Variants in TMEM181 observed in about 807,000 individuals in gnomAD.
TMEM181 encodes the protein transmembrane protein 181.
TMEM181 carries 39 observed loss-of-function variants against 71.9 expected under a neutral mutation model. The observed-to-expected ratio is 0.54, with a 90% confidence interval of 0.42 to 0.71. TMEM181 has a LOEUF of 0.71. Ranked by LOEUF, TMEM181 falls within the 30% of genes least tolerant of loss-of-function variation. TMEM181 has a pLI of 0.00. For synonymous variants in TMEM181, 245 were observed against 228.8 expected, an observed-to-expected ratio of 1.07 and a Z score of -0.64; for missense variants, 595 against 583.0, an observed-to-expected ratio of 1.02 and a Z score of -0.21.
At chr6:158,599,957 G>A (rs1784580535) in intron 6 of TMEM181, among the ~76,000 whole-genome samples, 2 of 152,176 alleles carry the variant, frequency 1.3e-5, no homozygotes, top group Non-Finnish European at 2.9e-5. Flanking sequence ...GCTTTTCCCG[G>A]AACCAGGAGG....
upstream of TMEM181, among the ~76,000 whole-genome samples, chr6:158,559,884 G>A (rs1209642911): frequency 1.3e-5 from 2 of 152,240 alleles, no homozygotes; most frequent in East Asian, 1.9e-4. Context: ...GGTAAACTAA[G>A]TCATTCATTC....
intron 2 of TMEM181, among the ~76,000 whole-genome samples, chr6:158,577,302 TC>T (rs1438845922): frequency 6.6e-6 from 1 of 151,874 alleles, no homozygotes; most frequent in Non-Finnish European, 1.5e-5. Context: ...AAAAAGAAAT[TC>T]TGGAGATGAA....
chr6:158,560,758 G>A (rs1034207921), intron 1 of TMEM181, among the ~76,000 whole-genome samples: 1 of 152,220 alleles, frequency 6.6e-6, no homozygotes, highest in Non-Finnish European at 1.5e-5. Context: ...AGCCCCTTTG[G>A]ACTCGGGGTG....
In TMEM181 at chr6:158,568,577, CTA is replaced by C. The variant is rs376727702; in HGVS notation, c.9-4841_9-4840del. Among the ~76,000 whole-genome samples the C allele has an allele frequency of 3.3e-5, 5 of 152,320 alleles. No homozygotes were observed. The East Asian group carries it at 9.7e-4, about 29-fold the overall frequency. On this transcript the variant is annotated intron_variant, in intron 1 of 16. Coordinates refer to ENST00000684151, the MANE Select transcript of TMEM181 (RefSeq NM_001376852.1). Reference sequence around the variant, plus strand: ...TATTTTCTGCATCACAGACTTGCCTCTATGTGTTTAGAAATATCCTCCCTTGG... The same window carrying C: ...TATTTTCTGCATCACAGACTTGCCTCTGTGTTTAGAAATATCCTCCCTTGG...
intron 7 of TMEM181, among the ~76,000 whole-genome samples, chr6:158,606,413 A>C (rs1285549599): frequency 6.6e-6 from 1 of 152,240 alleles, no homozygotes; most frequent in Non-Finnish European, 1.5e-5. Context: ...AGCCAGAAAC[A>C]CTTGCTTCTT....
chr6:158,541,898 CTTTTTTTTT>C (rs10583860), intron 1 of TMEM181, among the ~76,000 whole-genome samples: 17 of 66,624 alleles, frequency 2.6e-4, no homozygotes, highest in Middle Eastern at 0.027. Flanking sequence ...GGGATTTTAT[CTTTTTTTTT>C]TTTTTTTTTT....
intron 11 of TMEM181, among the ~76,000 whole-genome samples, chr6:158,623,906 G>T (rs887530102): frequency 1.3e-5 from 2 of 152,046 alleles, no homozygotes; most frequent in Non-Finnish European, 2.9e-5. Context: ...GACGATAGGC[G>T]TGCGCCACCA....
At chr6:158,613,502 G>C (rs1223668243) in intron 10 of TMEM181, among the ~76,000 whole-genome samples, 1 of 149,426 alleles carries the variant, frequency 6.7e-6, no homozygotes, top group African/African-American at 2.5e-5. Flanking sequence ...CTTTCCTCTT[G>C]AGGTTTCAAG....
At chr6:158,569,671 G>A (rs570699835) in intron 1 of TMEM181, among the ~76,000 whole-genome samples, 104 of 151,846 alleles carry the variant, frequency 6.8e-4, no homozygotes, top group African/African-American at 1.9e-3. Context: ...CATGGTCTAG[G>A]CTCACTGCAA....
intron 13 of TMEM181, chr6:158,626,782 ACCTCACTCATG>A: frequency 2.2e-6 from 1 of 456,376 alleles, no homozygotes. Context: ...GCTCACTCAC[ACCTCACTCATG>A]CCTTCACTCA....
chr6:158,583,439 A>C (rs1783588152), intron 3 of TMEM181, among the ~76,000 whole-genome samples: 1 of 152,160 alleles, frequency 6.6e-6, no homozygotes. Context: ...TGAGAGACAG[A>C]CGTGAATTGC....
At chr6:158,560,937 CT>C (rs930043220) in intron 1 of TMEM181, among the ~76,000 whole-genome samples, 2 of 152,134 alleles carry the variant, frequency 1.3e-5, no homozygotes, top group Non-Finnish European at 2.9e-5. Context: ...AGGTGTCCCC[CT>C]GGGCGCATCT....
At chr6:158,619,707 A>G (rs1317589525) in intron 10 of TMEM181, among the ~76,000 whole-genome samples, 2 of 152,058 alleles carry the variant, frequency 1.3e-5, no homozygotes, top group Non-Finnish European at 2.9e-5. Context: ...CGTCTGTACT[A>G]AAATACAAAA....
At chr6:158,567,441 G>A (rs544949119) in intron 1 of TMEM181, among the ~76,000 whole-genome samples, 4 of 152,350 alleles carry the variant, frequency 2.6e-5, no homozygotes, top group African/African-American at 4.8e-5. Flanking sequence ...GCCGTTCGCC[G>A]TCAGGCACTC....
At chr6:158,543,849 C>T (rs892738282) in intron 1 of TMEM181, among the ~76,000 whole-genome samples, 8 of 152,186 alleles carry the variant, frequency 5.3e-5, no homozygotes, top group African/African-American at 1.7e-4. Context: ...AACAGGCTTT[C>T]CTTGAAAAGA....
At chr6:158,598,708 C>G (rs561806036) in intron 6 of TMEM181, among the ~76,000 whole-genome samples, 2 of 149,082 alleles carry the variant, frequency 1.3e-5, no homozygotes, top group African/African-American at 2.5e-5. Context: ...GAGTCTTGCT[C>G]TGTTGCGTAG....
intron 10 of TMEM181, among the ~76,000 whole-genome samples, chr6:158,614,706 A>G (rs1785517224): frequency 6.6e-6 from 1 of 151,862 alleles, no homozygotes; most frequent in South Asian, 2.1e-4. Flanking sequence ...CTCATTGTTC[A>G]TTTCCCACCT....
Position 158,584,169 on chromosome 6 carries a change from T to C in TMEM181, c.259+125T>C, listed in dbSNP as rs919031326. The stretch of plus-strand genomic sequence containing the variant: ...ATAGATGTATAAGGATGTCCATTAT[T>C]ATTTATCATAGCAACAAATTGGAAA... On this transcript the variant is annotated intron_variant, in intron 4 of 16. Coordinates refer to ENST00000684151, the MANE Select transcript of TMEM181 (RefSeq NM_001376852.1). The C allele has an allele frequency of 5.3e-6, 4 of 756,798 alleles. No homozygotes were observed. The African/African-American group carries it at 7.1e-5, about 14-fold the overall frequency. The allele number at this position is 756,798 out of a possible 1,614,324, so 46.9% of individuals were successfully genotyped here.
At chr6:158,596,271 A>G (rs1784386045) in intron 6 of TMEM181, among the ~76,000 whole-genome samples, 1 of 152,186 alleles carries the variant, frequency 6.6e-6, no homozygotes, top group African/African-American at 2.4e-5. Context: ...ACTTAACGGT[A>G]TACAGTGCGC....
Sources: allele counts gnomAD v4.1 joint callset (sites outside exome capture counted in the v4.1 genomes callset), GRCh38; gene constraint gnomAD v4.1.1; transcripts MANE v1.5; gene names NCBI Gene and HGNC (gene_info 2026-07-23, HGNC 2026-07-21).